FBXL7: variants seen among roughly 807,000 people sequenced by gnomAD.
FBXL7 encodes F-box and leucine rich repeat protein 7.
In FBXL7, 12 loss-of-function variants were observed where a neutral mutation model predicts 38.3. The observed-to-expected ratio is 0.31, with a 90% CI of 0.20 to 0.51. The LOEUF is 0.51. Among genes scored for constraint, FBXL7 ranks in the 20% least tolerant of loss-of-function variants. FBXL7 has a pLI of 0.98. For missense variants in FBXL7, 567 were observed against 676.4 expected, an observed-to-expected ratio of 0.84 and a Z score of 1.79; for synonymous variants, 297 against 300.9, an observed-to-expected ratio of 0.99 and a Z score of 0.13.
At chr5:15,734,405 CT>C (rs760303295) in intron 2 of FBXL7, among the ~76,000 whole-genome samples, 1 of 152,210 alleles carries the variant, frequency 6.6e-6, no homozygotes, top group Non-Finnish European at 1.5e-5. Context: ...GCTGATTAGA[CT>C]TTGGGCAAGA....
At chr5:15,752,552 C>T (rs906756078) in intron 2 of FBXL7, among the ~76,000 whole-genome samples, 4 of 151,784 alleles carry the variant, frequency 2.6e-5, no homozygotes, top group Non-Finnish European at 5.9e-5. Context: ...TTTCTCTGAC[C>T]CACCAGGACC....
At chr5:15,852,495 G>C (rs540723623) in intron 2 of FBXL7, among the ~76,000 whole-genome samples, 3 of 152,266 alleles carry the variant, frequency 2.0e-5, no homozygotes, top group African/African-American at 7.2e-5. Flanking sequence ...AATAGCATCT[G>C]TTTTTCTTAG....
chr5:15,822,374 AAACAT>A (rs1385597110), intron 2 of FBXL7, among the ~76,000 whole-genome samples: 5 of 152,094 alleles, frequency 3.3e-5, no homozygotes, highest in Non-Finnish European at 1.5e-5. Context: ...AAACAAAACA[AAACAT>A]AAAAGAAACA....
chr5:15,766,152 T>C (rs1736585722), intron 2 of FBXL7, among the ~76,000 whole-genome samples: 1 of 152,114 alleles, frequency 6.6e-6, no homozygotes, highest in Non-Finnish European at 1.5e-5. Flanking sequence ...GGTCCTGCTG[T>C]CCCCTTTACA....
chr5:15,884,132 C>T (rs1205552795), intron 2 of FBXL7, among the ~76,000 whole-genome samples: 1 of 152,206 alleles, frequency 6.6e-6, no homozygotes, highest in Non-Finnish European at 1.5e-5. Flanking sequence ...CTCTTGGCTT[C>T]TAGGCAGCCA....
At chr5:15,648,180 G>A (rs909051020) in intron 2 of FBXL7, among the ~76,000 whole-genome samples, 1 of 152,212 alleles carries the variant, frequency 6.6e-6, no homozygotes, top group African/African-American at 2.4e-5. Flanking sequence ...CATTGAAAAT[G>A]TGTTTCCACT....
chr5:15,666,226 G>A (rs1267670147), intron 2 of FBXL7, among the ~76,000 whole-genome samples: 1 of 151,790 alleles, frequency 6.6e-6, no homozygotes, highest in Non-Finnish European at 1.5e-5. Context: ...TGTGTTTTTT[G>A]GAGGACCACA....
chr5:15,669,143 A>G (rs542991969), intron 2 of FBXL7, among the ~76,000 whole-genome samples: 45 of 152,304 alleles, frequency 3.0e-4, no homozygotes, highest in African/African-American at 9.6e-4. Flanking sequence ...CGAATTTGAC[A>G]TATTGAGCAG....
intron 1 of FBXL7, among the ~76,000 whole-genome samples, chr5:15,564,125 T>A: frequency 6.6e-6 from 1 of 152,116 alleles, no homozygotes; most frequent in Admixed American, 6.6e-5. Context: ...CAGCTAAGTT[T>A]ATTAAAAATT....
intron 1 of FBXL7, chr5:15,501,416 C>G (rs767278286): frequency 4.1e-6 from 4 of 985,490 alleles, no homozygotes; most frequent in Admixed American, 1.2e-4. Context: ...TCCCTTCTCT[C>G]TCCTACCTCC....
intron 2 of FBXL7, among the ~76,000 whole-genome samples, chr5:15,816,097 A>C (rs1168990369): frequency 6.6e-6 from 1 of 152,104 alleles, no homozygotes; most frequent in Non-Finnish European, 1.5e-5. Flanking sequence ...GTTAGAAAGT[A>C]CTCCGAAATT....
chr5:15,776,221 C>T (rs1204228819), intron 2 of FBXL7, among the ~76,000 whole-genome samples: 2 of 152,112 alleles, frequency 1.3e-5, no homozygotes, highest in Non-Finnish European at 1.5e-5. Flanking sequence ...GAACGTACCA[C>T]TCTTGCATGC....
chr5:15,855,772 C>T (rs1308889540), intron 2 of FBXL7, among the ~76,000 whole-genome samples: 2 of 152,132 alleles, frequency 1.3e-5, no homozygotes, highest in African/African-American at 2.4e-5. Flanking sequence ...TTTAAATGTA[C>T]TTTCTAAACT....
chr5:15,546,075 A>G (rs1047418463), intron 1 of FBXL7, among the ~76,000 whole-genome samples: 4 of 152,258 alleles, frequency 2.6e-5, no homozygotes, highest in African/African-American at 7.2e-5. Flanking sequence ...AAATTATAGC[A>G]TGCATGTGTT....
At chr5:15,815,957 C>T (rs1412068138) in intron 2 of FBXL7, among the ~76,000 whole-genome samples, 1 of 152,106 alleles carries the variant, frequency 6.6e-6, no homozygotes, top group Non-Finnish European at 1.5e-5. Flanking sequence ...GCAAAATTTC[C>T]ACATCTACCT....
rs574358483 is a variant in FBXL7 at position 15,505,817 on chromosome 5, G to A, written c.37+5104G>A. 3.0e-4 allele frequency among the ~76,000 whole-genome samples: 46 copies of A among 152,190 alleles called. No homozygotes were observed. The East Asian group carries it at 8.1e-3, about 27-fold the overall frequency. On this transcript the variant is annotated intron_variant, in intron 1 of 3. Coordinates refer to ENST00000504595, the MANE Select transcript of FBXL7 (RefSeq NM_012304.5). ...CTACTTTTAATCACTGTGATGAACC[G>A]AGGGACATTCAAGTGTCCCCCACAT...
chr5:15,632,747 C>A lies in FBXL7; in HGVS notation c.127+16675C>A, dbSNP rs571164455. Among the ~76,000 whole-genome samples the A allele has an allele frequency of 3.9e-5, 6 of 152,214 alleles. No homozygotes were observed. In the South Asian group the frequency reaches 1.2e-3, roughly 32 times the overall value. ...CATGGATGCAACTGAAGGCTATTATCCTAAGCTAATTAACACAGGATCAAA... is the reference window on the plus strand; with the variant it reads ...CATGGATGCAACTGAAGGCTATTATACTAAGCTAATTAACACAGGATCAAA... On this transcript the variant is annotated intron_variant, in intron 2 of 3. Coordinates refer to ENST00000504595, the MANE Select transcript of FBXL7 (RefSeq NM_012304.5).
chr5:15,649,285 C>T (rs1741634225), intron 2 of FBXL7, among the ~76,000 whole-genome samples: 1 of 152,172 alleles, frequency 6.6e-6, no homozygotes, highest in South Asian at 2.1e-4. Flanking sequence ...GTGTGAGCCC[C>T]TGCACCTGGC....
At chr5:15,780,099 C>T (rs1431841906) in intron 2 of FBXL7, among the ~76,000 whole-genome samples, 2 of 152,098 alleles carry the variant, frequency 1.3e-5, no homozygotes, top group Admixed American at 6.6e-5. Flanking sequence ...TCTGAGTCTA[C>T]AAAGGGAGCT....
Sources: allele counts gnomAD v4.1 joint callset (sites outside exome capture counted in the v4.1 genomes callset), GRCh38; gene constraint gnomAD v4.1.1; transcripts MANE v1.5; gene names NCBI Gene and HGNC (gene_info 2026-07-23, HGNC 2026-07-21).